Variants in TRPC4 observed in about 807,000 individuals in gnomAD.
TRPC4 encodes short transient receptor potential channel 4.
A neutral mutation model predicts 99.4 loss-of-function variants in TRPC4; 49 were observed. That is an observed-to-expected ratio of 0.49 (90% CI 0.39 to 0.63). The LOEUF is 0.63. Among genes scored for constraint, TRPC4 ranks in the 20% least tolerant of loss-of-function variants. The probability of loss-of-function intolerance (pLI) is 0.00; values close to 1 mark genes in which losing one functional copy is unlikely to be tolerated. For synonymous variants in TRPC4, 454 were observed against 425.9 expected (o/e 1.07, Z -0.81); for missense variants, 898 against 1,152.9 (o/e 0.78, Z 3.20).
Position 37,655,040 on chromosome 13 carries a change from A to G in TRPC4, c.1884+48T>C, listed in dbSNP as rs983889704. ...AGAAGATGGAGTATAGCTAAGAACA[A>G]CACATTCTAGAGGAAACATTGAATT... On this transcript the variant is annotated intron_variant, in intron 7 of 10. Transcript: ENST00000379705. 3.6e-6 allele frequency: 5 copies of G among 1,375,398 alleles called. No homozygotes were observed. The African/African-American group carries it at 7.4e-5, about 20-fold the overall frequency. 85.2% of individuals were successfully genotyped at this position (1,375,398 alleles called of 1,614,324 possible).
At chr13:37,779,922 T>C (rs1422358263) in intron 2 of TRPC4, among the ~76,000 whole-genome samples, 1 of 152,084 alleles carries the variant, frequency 6.6e-6, no homozygotes. Context: ...GTTTGCCAAA[T>C]CCAGATGATT....
At chr13:37,831,761 G>A (rs751273456) in intron 1 of TRPC4, among the ~76,000 whole-genome samples, 1 of 152,200 alleles carries the variant, frequency 6.6e-6, no homozygotes, top group Non-Finnish European at 1.5e-5. Flanking sequence ...AGGACATTAT[G>A]CTAAATGAAA....
rs149045440 is a variant in TRPC4 at position 37,680,362 on chromosome 13, G to A, written c.1235-5995C>T. On this transcript the variant is annotated intron_variant, in intron 4 of 10. Coordinates refer to ENST00000379705, the MANE Select transcript of TRPC4 (RefSeq NM_016179.4). ...GCTAGTCTACGTTAGGTGATCAAGC[G>A]GCCAGGCTCAACTCAACGAGCAATC... is the stretch of plus-strand genomic sequence containing the variant. Among the ~76,000 whole-genome samples the A allele has an allele frequency of 3.2e-3, 481 of 152,234 alleles. 4 individuals are homozygous for A. The highest frequency in any genetic ancestry group is 0.011 in the African/African-American group (463 of 41,554).
At chr13:37,828,047 C>A (rs543950651) in intron 1 of TRPC4, among the ~76,000 whole-genome samples, 3 of 152,160 alleles carry the variant, frequency 2.0e-5, no homozygotes, top group African/African-American at 4.8e-5. Flanking sequence ...AGGTGCCGTC[C>A]GTCACCCCTT....
chr13:37,712,042 T>C lies in TRPC4; in HGVS notation c.898-19707A>G, dbSNP rs142772267. On this transcript the variant is annotated intron_variant, in intron 3 of 10. Transcript: ENST00000379705. ...AGCATATTTCCATTTTGACAAACTA[T>C]ATTTTGAGTGCTTAAATGCCTCATG... Among the ~76,000 whole-genome samples, 106 of 152,176 alleles carry C rather than the reference T, an allele frequency of 7.0e-4. 1 individual carries two copies. The East Asian group carries it at 0.017, about 24-fold the overall frequency.
At chr13:37,759,030 C>G (rs1309242207) in intron 2 of TRPC4, among the ~76,000 whole-genome samples, 1 of 150,756 alleles carries the variant, frequency 6.6e-6, no homozygotes, top group Non-Finnish European at 1.5e-5. Context: ...GAATATATAT[C>G]CAAGAATGGC....
intron 2 of TRPC4, among the ~76,000 whole-genome samples, chr13:37,759,858 A>C (rs1355618630): frequency 7.3e-6 from 1 of 136,280 alleles, no homozygotes; most frequent in Non-Finnish European, 1.8e-5. Flanking sequence ...GACAATGAGA[A>C]TATTTCTTAT....
intron 1 of TRPC4, among the ~76,000 whole-genome samples, chr13:37,792,730 TG>T (rs1957153370): frequency 2.5e-5 from 2 of 79,670 alleles, no homozygotes; most frequent in Non-Finnish European, 4.9e-5. Flanking sequence ...AATTTGTGTG[TG>T]TGTGTGTGTG....
chr13:37,660,175 A>G (rs1952381675), intron 6 of TRPC4, among the ~76,000 whole-genome samples: 1 of 152,210 alleles, frequency 6.6e-6, no homozygotes, highest in South Asian at 2.1e-4. Context: ...ATAAAAAATT[A>G]TCAGAGTATA....
At chr13:37,726,191 G>A (rs948177628) in intron 3 of TRPC4, among the ~76,000 whole-genome samples, 9 of 147,420 alleles carry the variant, frequency 6.1e-5, no homozygotes, top group East Asian at 2.0e-4. Flanking sequence ...GTGAGACACC[G>A]TCCCCCCCCA....
At chr13:37,794,093 G>A (rs1957189903) in intron 1 of TRPC4, among the ~76,000 whole-genome samples, 1 of 151,988 alleles carries the variant, frequency 6.6e-6, no homozygotes, top group Non-Finnish European at 1.5e-5. Flanking sequence ...ATAAGTGGTA[G>A]TCATGGTTAA....
At chr13:37,785,557 A>C (rs1956948278) in intron 1 of TRPC4, among the ~76,000 whole-genome samples, 1 of 152,098 alleles carries the variant, frequency 6.6e-6, no homozygotes, top group Non-Finnish European at 1.5e-5. Flanking sequence ...TGGTGTTTGA[A>C]TGTAGCTCAC....
At chr13:37,795,870 A>G (rs1415442212) in intron 1 of TRPC4, among the ~76,000 whole-genome samples, 1 of 152,190 alleles carries the variant, frequency 6.6e-6, no homozygotes, top group Non-Finnish European at 1.5e-5. Flanking sequence ...ATTCAAAGTC[A>G]CAGGAGAAGG....
At chr13:37,829,895 C>A (rs1566205282) in intron 1 of TRPC4, among the ~76,000 whole-genome samples, 1 of 152,136 alleles carries the variant, frequency 6.6e-6, no homozygotes, top group Non-Finnish European at 1.5e-5. Context: ...CAAAAGACCA[C>A]ATGTTATGTT....
intron 2 of TRPC4, among the ~76,000 whole-genome samples, chr13:37,777,663 T>C (rs1956744700): frequency 6.6e-6 from 1 of 151,992 alleles, no homozygotes; most frequent in Non-Finnish European, 1.5e-5. Flanking sequence ...ATTTGTGTTA[T>C]TTGTACATTT....
intron 3 of TRPC4, among the ~76,000 whole-genome samples, chr13:37,697,401 G>A (rs190900995): frequency 1.1e-4 from 16 of 152,310 alleles, no homozygotes; most frequent in Non-Finnish European, 1.9e-4. Context: ...GAATTTGTTA[G>A]TTAAGCCTGA....
At chr13:37,774,056 A>C (rs1956634243) in intron 2 of TRPC4, among the ~76,000 whole-genome samples, 1 of 151,746 alleles carries the variant, frequency 6.6e-6, no homozygotes. Flanking sequence ...GATTAAACTT[A>C]TATCTCCAAG....
chr13:37,681,980 G>A (rs944880814), intron 4 of TRPC4, among the ~76,000 whole-genome samples: 4 of 152,154 alleles, frequency 2.6e-5, no homozygotes, highest in African/African-American at 4.8e-5. Context: ...TTTCACTCAG[G>A]GCTATTTGAA....
chr13:37,756,874 T>C (rs1451071786), intron 2 of TRPC4, among the ~76,000 whole-genome samples: 1 of 151,934 alleles, frequency 6.6e-6, no homozygotes, highest in Non-Finnish European at 1.5e-5. Flanking sequence ...TGATGAAACA[T>C]TGATCCAGAA....
Sources: gnomAD v4.1 joint callset for allele counts (sites outside exome capture counted in the v4.1 genomes callset) on GRCh38, gnomAD v4.1.1 for gene constraint, MANE v1.5 for transcripts, NCBI Gene and HGNC (gene_info 2026-07-23, HGNC 2026-07-21) for gene names.